Variants in GSG1L observed in about 807,000 individuals in gnomAD.
GSG1L encodes GSG1 like.
In GSG1L, 24 loss-of-function variants were observed where a neutral mutation model predicts 42.1. The ratio of observed to expected loss-of-function variants is 0.57; its 90% CI spans 0.41 to 0.80. The LOEUF (loss-of-function observed/expected upper bound fraction) is 0.80, where lower values mean the gene tolerates loss of function less well. GSG1L is among the 30% of genes least tolerant of loss of function. The pLI is 0.00. For missense variants in GSG1L, 445 were observed against 472.2 expected (o/e 0.94, Z 0.53); for synonymous variants, 215 against 203.5 (o/e 1.06, Z -0.48).
intron 3 of GSG1L, among the ~76,000 whole-genome samples, chr16:27,874,441 CTTT>C (rs71140916): frequency 4.2e-5 from 4 of 94,426 alleles, no homozygotes; most frequent in Non-Finnish European, 6.3e-5. Flanking sequence ...ACAGGAGAGC[CTTT>C]TTTTTTTTTT....
Position 28,063,202 on chromosome 16 carries a change from TGGCGGCGGC to T in GSG1L, c.214_222del (p.Ala72_Ala74del), listed in dbSNP as rs746146565. 1.6e-5 allele frequency: 20 copies of T among 1,281,898 alleles called. No individual in the cohort carries two copies. The highest frequency in any genetic ancestry group is 2.0e-5 in the Non-Finnish European group (20 of 1,016,840). The allele number at this position is 1,281,898 out of a possible 1,614,324, so 79.4% of individuals were successfully genotyped here. On this transcript the variant is annotated inframe_deletion, in exon 1 of 7. Coordinates refer to ENST00000447459, the MANE Select transcript of GSG1L (RefSeq NM_001109763.2). This position sits in a 1 kb window ranked among gnomAD's most constrained non-coding sequence, Gnocchi z 5.8. ...CCAGGGGGGCCGTTCCCCGAGGCGG[TGGCGGCGGC>T]GGCGGCGGCGGCGGGGGCGGCGGTG...
rs1407438278 is a variant in GSG1L, at chr16:27,943,756, A to G, written c.397+19400T>C. Reference sequence around the variant, plus strand: ...CACCCAGCTAATTTTTTGCATTTTTAGTAGAGACAGGGTTTTGTCATGTTG... The same window carrying G: ...CACCCAGCTAATTTTTTGCATTTTTGGTAGAGACAGGGTTTTGTCATGTTG... On this transcript the variant is annotated intron_variant, in intron 2 of 6. Transcript: ENST00000447459. Among the ~76,000 whole-genome samples the G allele has an allele frequency of 2.0e-5, 3 of 151,506 alleles. No homozygotes were observed. In the East Asian group the frequency reaches 5.8e-4, roughly 29 times the overall value.
chr16:27,808,907 T>C (rs1168386538), intron 5 of GSG1L, among the ~76,000 whole-genome samples: 1 of 152,130 alleles, frequency 6.6e-6, no homozygotes, highest in Non-Finnish European at 1.5e-5. Context: ...TGGAGGCAGG[T>C]GCATGGCCTC....
chr16:27,801,830 C>T (rs1189068883), intron 6 of GSG1L, among the ~76,000 whole-genome samples: 5 of 152,284 alleles, frequency 3.3e-5, no homozygotes, highest in Admixed American at 6.5e-5. Context: ...TGGTCTTAAC[C>T]TCCTGGGCCT....
chr16:28,016,054 A>G (rs748573206), intron 1 of GSG1L, among the ~76,000 whole-genome samples: 3 of 152,182 alleles, frequency 2.0e-5, no homozygotes, highest in Non-Finnish European at 2.9e-5. Context: ...GTAGTGGCAC[A>G]GCCTCGGCTC....
intron 1 of GSG1L, among the ~76,000 whole-genome samples, chr16:28,035,842 G>T (rs1304636172): frequency 6.6e-6 from 1 of 152,120 alleles, no homozygotes; most frequent in Non-Finnish European, 1.5e-5. Context: ...GATGACAGTG[G>T]TTCTCCCAGC....
At chr16:27,893,254 C>T (rs1013479656) in intron 2 of GSG1L, among the ~76,000 whole-genome samples, 4 of 152,182 alleles carry the variant, frequency 2.6e-5, no homozygotes, top group African/African-American at 7.2e-5. Context: ...CCAACTCTGA[C>T]CCTTCATTGC....
intron 1 of GSG1L, among the ~76,000 whole-genome samples, chr16:28,041,767 C>T (rs932530368): frequency 1.8e-4 from 28 of 152,220 alleles, no homozygotes; most frequent in Admixed American, 1.8e-3. Flanking sequence ...ATAGCACCAG[C>T]GTCACTGCTG....
At chr16:27,987,719 C>T (rs929572541) in intron 1 of GSG1L, among the ~76,000 whole-genome samples, 7 of 152,042 alleles carry the variant, frequency 4.6e-5, no homozygotes, top group Admixed American at 3.9e-4. Flanking sequence ...GAGGCCGAGG[C>T]GGGCGGATCA....
chr16:28,063,181 G>C lies in GSG1L; in HGVS notation c.244C>G (p.Pro82Ala), dbSNP rs542649119. 1.5e-6 allele frequency: 2 copies of C among 1,331,514 alleles called. No individual in the cohort carries two copies. The highest frequency in any genetic ancestry group is 1.9e-6 in the Non-Finnish European group (2 of 1,037,542). 82.5% of individuals were successfully genotyped at this position (1,331,514 alleles called of 1,614,324 possible). A position where few individuals can be genotyped will look rare whatever the true frequency, so the allele number is the denominator to read the frequency against. Residue 82 changes from proline (P) to alanine (A), a missense_variant, in exon 1 of 7, where the codon CCT (proline) becomes GCT (alanine). Pro to Ala is a conservative substitution (Grantham distance 27). This residue lies in a region of GSG1L where 156 missense variants were observed against 128.3 expected (regional missense o/e 1.22). Transcript: ENST00000447459. The surrounding 1 kb of genome is among the most constrained non-coding windows in gnomAD (Gnocchi z 5.8). ...TCCCAGCTGTAGAGCGCGCCGCCAG[G>C]GGGGCCGTTCCCCGAGGCGGTGGCG... ...AAATASGNGP[P>A]GGALYSWETG...
intron 1 of GSG1L, among the ~76,000 whole-genome samples, chr16:28,035,281 G>C (rs1322325105): frequency 6.6e-6 from 1 of 152,154 alleles, no homozygotes; most frequent in Non-Finnish European, 1.5e-5. Flanking sequence ...AAAGTGCTGG[G>C]ATTCCAGGTG....
chr16:28,055,798 G>A (rs866838372), intron 1 of GSG1L, among the ~76,000 whole-genome samples: 4 of 152,194 alleles, frequency 2.6e-5, no homozygotes, highest in South Asian at 4.1e-4. Flanking sequence ...ATCTGGGGTC[G>A]AGTTTGTTTC....
intron 2 of GSG1L, among the ~76,000 whole-genome samples, chr16:27,947,540 G>A (rs12927644): frequency 5.4e-4 from 52 of 97,112 alleles, no homozygotes; most frequent in Non-Finnish European, 7.5e-4. Context: ...AAAGAATGAA[G>A]GAAAGAAAGA....
chr16:27,851,317 C>T (rs1225411276), intron 3 of GSG1L, among the ~76,000 whole-genome samples: 1 of 152,186 alleles, frequency 6.6e-6, no homozygotes, highest in Admixed American at 6.5e-5. Flanking sequence ...CTGCCTCAGC[C>T]TCCAGAGTAG....
intron 3 of GSG1L, among the ~76,000 whole-genome samples, chr16:27,865,348 G>A (rs2083700865): frequency 6.6e-6 from 1 of 151,558 alleles, no homozygotes; most frequent in Admixed American, 6.6e-5. Flanking sequence ...GGTCACCTTG[G>A]GAAGTGTCCC....
intron 2 of GSG1L, among the ~76,000 whole-genome samples, chr16:27,910,123 C>T (rs34425985): frequency 0.077 from 9,574 of 123,768 alleles, 343 homozygotes; most frequent in Non-Finnish European, 0.095. Context: ...CCATGCCTGG[C>T]TACTTTTTTT....
At chr16:27,859,529 G>A (rs566577934) in intron 3 of GSG1L, among the ~76,000 whole-genome samples, 1 of 152,364 alleles carries the variant, frequency 6.6e-6, no homozygotes, top group South Asian at 2.1e-4. Context: ...GCAGCCCAGG[G>A]CATCTCATGC....
chr16:28,056,698 T>C (rs1391268045), intron 1 of GSG1L, among the ~76,000 whole-genome samples: 3 of 152,070 alleles, frequency 2.0e-5, no homozygotes, highest in African/African-American at 7.2e-5. Flanking sequence ...GCTGCCATGC[T>C]GAGTCCTACG....
At chr16:27,813,304 A>G (rs2083055690) in intron 5 of GSG1L, among the ~76,000 whole-genome samples, 1 of 131,868 alleles carries the variant, frequency 7.6e-6, no homozygotes, top group African/African-American at 2.7e-5. Flanking sequence ...GCTCTCACTT[A>G]TATGTAAGAA....
Sources: gnomAD v4.1 joint callset for allele counts (sites outside exome capture counted in the v4.1 genomes callset) on GRCh38, gnomAD v4.1.1 for gene constraint, gnomAD v4.1.1 regional missense constraint, Gnocchi (gnomAD v3.1) non-coding constraint, MANE v1.5 for transcripts, NCBI Gene and HGNC (gene_info 2026-07-23, HGNC 2026-07-21) for gene names.